The following AGBL4 variants were observed in gnomAD, a reference collection of about 807,000 sequenced individuals.
The protein encoded by AGBL4 is AGBL carboxypeptidase 4.
AGBL4 carries 58 observed loss-of-function variants against 66.4 expected under a neutral mutation model. The observed-to-expected ratio is 0.87, with a 90% CI of 0.71 to 1.09. The LOEUF is 1.09. AGBL4 is among the 50% of genes least tolerant of loss of function. AGBL4 has a pLI of 0.00. For synonymous variants in AGBL4, 234 were observed against 222.9 expected, an observed-to-expected ratio of 1.05 and a Z score of -0.44; for missense variants, 579 against 631.0, an observed-to-expected ratio of 0.92 and a Z score of 0.88.
intron 3 of AGBL4, among the ~76,000 whole-genome samples, chr1:49,420,407 G>A (rs554261276): frequency 6.6e-6 from 1 of 152,088 alleles, no homozygotes; most frequent in African/African-American, 2.4e-5. Context: ...GAATGTAAAA[G>A]TGCTCTGTAT....
At chr1:49,358,798 A>G (rs777687496) in intron 3 of AGBL4, among the ~76,000 whole-genome samples, 9 of 152,222 alleles carry the variant, frequency 5.9e-5, no homozygotes, top group Admixed American at 3.3e-4. Context: ...ATGGAAAATA[A>G]TAGAGCTCTT....
intron 1 of AGBL4, among the ~76,000 whole-genome samples, chr1:49,897,198 G>T (rs1649309105): frequency 6.6e-6 from 1 of 151,802 alleles, no homozygotes; most frequent in Non-Finnish European, 1.5e-5. Context: ...ATATAAACTT[G>T]CACTTGAAAA....
At chr1:49,581,370 T>C (rs1286802961) in intron 3 of AGBL4, among the ~76,000 whole-genome samples, 1 of 152,166 alleles carries the variant, frequency 6.6e-6, no homozygotes, top group Non-Finnish European at 1.5e-5. Flanking sequence ...GAATCTGTTG[T>C]TGGAAAATTA....
intron 3 of AGBL4, among the ~76,000 whole-genome samples, chr1:49,445,984 T>C (rs563397889): frequency 1.8e-4 from 27 of 152,260 alleles, no homozygotes; most frequent in African/African-American, 6.3e-4. Context: ...TCTGAGTAGC[T>C]GGGAATACAG....
intron 1 of AGBL4, among the ~76,000 whole-genome samples, chr1:49,998,913 C>A (rs1169973369): frequency 6.6e-6 from 1 of 151,930 alleles, no homozygotes; most frequent in Non-Finnish European, 1.5e-5. Flanking sequence ...TCAGCAAAAT[C>A]GCCATGGAAG....
rs1227000019 is a variant in AGBL4, at chr1:49,061,185, T to A, written c.378-15385A>T. Among the ~76,000 whole-genome samples the A allele has an allele frequency of 2.6e-5, 4 of 151,896 alleles. No individual in the cohort carries two copies. The East Asian group carries it at 7.8e-4, about 30-fold the overall frequency. On this transcript the variant is annotated intron_variant, in intron 4 of 13. Coordinates refer to ENST00000371839, the MANE Select transcript of AGBL4 (RefSeq NM_032785.4). Reference sequence around the variant, plus strand: ...TGGATGAAGATGTGATCAGAATCAGTGAGGAGGGGAGTAGGATTACTTAGC... The same window carrying A: ...TGGATGAAGATGTGATCAGAATCAGAGAGGAGGGGAGTAGGATTACTTAGC...
At chr1:50,012,161 G>A (rs1457302468) in intron 1 of AGBL4, among the ~76,000 whole-genome samples, 8 of 129,058 alleles carry the variant, frequency 6.2e-5, no homozygotes, top group Middle Eastern at 4.8e-3. Context: ...GCGAGACTCC[G>A]TCTCAAAAAA....
At chr1:49,234,778 G>A (rs1307944946) in intron 4 of AGBL4, among the ~76,000 whole-genome samples, 1 of 152,128 alleles carries the variant, frequency 6.6e-6, no homozygotes, top group Non-Finnish European at 1.5e-5. Flanking sequence ...GGAAAGCCCA[G>A]AGTTCCAGGC....
At chr1:49,264,653 C>A (rs572825519) in intron 3 of AGBL4, among the ~76,000 whole-genome samples, 1 of 152,156 alleles carries the variant, frequency 6.6e-6, no homozygotes, top group African/African-American at 2.4e-5. Flanking sequence ...GCAAGCAATT[C>A]TCCTGCCTCA....
At chr1:49,908,272 T>C (rs1650468586) in intron 1 of AGBL4, among the ~76,000 whole-genome samples, 1 of 152,162 alleles carries the variant, frequency 6.6e-6, no homozygotes, top group Non-Finnish European at 1.5e-5. Context: ...AAATCTCATG[T>C]TGAACTATAA....
intron 1 of AGBL4, among the ~76,000 whole-genome samples, chr1:49,945,403 C>G (rs1432288798): frequency 6.6e-6 from 1 of 151,948 alleles, no homozygotes; most frequent in African/African-American, 2.4e-5. Context: ...GAAATTGGAG[C>G]CCTATCTTCA....
At chr1:48,823,723 C>A (rs911263881) in intron 6 of AGBL4, among the ~76,000 whole-genome samples, 2 of 152,222 alleles carry the variant, frequency 1.3e-5, no homozygotes, top group South Asian at 4.1e-4. Context: ...AGGAATAAAT[C>A]TGATTCTCCT....
At chr1:49,572,626 G>A (rs995567308) in intron 3 of AGBL4, among the ~76,000 whole-genome samples, 1 of 152,228 alleles carries the variant, frequency 6.6e-6, no homozygotes, top group Non-Finnish European at 1.5e-5. Flanking sequence ...AGATTTTCTA[G>A]TTTATTTGCA....
At chr1:49,039,396 T>C (rs948204954) in intron 5 of AGBL4, among the ~76,000 whole-genome samples, 3 of 152,098 alleles carry the variant, frequency 2.0e-5, no homozygotes, top group African/African-American at 7.2e-5. Context: ...AGCACTCTGG[T>C]GAAAGATTGT....
At chr1:48,994,954 G>T (rs959895495) in intron 5 of AGBL4, among the ~76,000 whole-genome samples, 9 of 152,072 alleles carry the variant, frequency 5.9e-5, no homozygotes, top group African/African-American at 2.2e-4. Flanking sequence ...CTTGATAAAA[G>T]AAGTTGAAAG....
chr1:49,250,188 T>G (rs2148335615), intron 3 of AGBL4, among the ~76,000 whole-genome samples: 1 of 152,302 alleles, frequency 6.6e-6, no homozygotes, highest in East Asian at 1.9e-4. Context: ...TGACAATTTA[T>G]TATATATTTC....
At chr1:48,911,645 A>G (rs1043781514) in intron 5 of AGBL4, among the ~76,000 whole-genome samples, 7 of 151,874 alleles carry the variant, frequency 4.6e-5, no homozygotes, top group African/African-American at 1.7e-4. Flanking sequence ...AAAAATCATA[A>G]GGACCAACTT....
In AGBL4 at chr1:49,382,930, A is replaced by G. The variant is rs369576405; in HGVS notation, c.283-137066T>C. On this transcript the variant is annotated intron_variant, in intron 3 of 13. Coordinates refer to ENST00000371839, the MANE Select transcript of AGBL4 (RefSeq NM_032785.4). ...TGATGTGGAAAGATCACCTTAGCCCATGAGTTCAAATCCAGCCTGGACAAC... is the reference window on the plus strand; with the variant it reads ...TGATGTGGAAAGATCACCTTAGCCCGTGAGTTCAAATCCAGCCTGGACAAC... Among the ~76,000 whole-genome samples, 53 of 152,330 alleles carry G rather than the reference A, an allele frequency of 3.5e-4. 1 individual carries two copies. The South Asian group carries it at 9.7e-3, about 28-fold the overall frequency.
chr1:48,594,926 T>C (rs1644973090), intron 9 of AGBL4, among the ~76,000 whole-genome samples: 1 of 151,938 alleles, frequency 6.6e-6, no homozygotes, highest in Non-Finnish European at 1.5e-5. Context: ...AATGATGATA[T>C]CCTAAGAAGA....
Sources: gnomAD v4.1 joint callset for allele counts (sites outside exome capture counted in the v4.1 genomes callset) on GRCh38, gnomAD v4.1.1 for gene constraint, MANE v1.5 for transcripts, NCBI Gene and HGNC (gene_info 2026-07-23, HGNC 2026-07-21) for gene names.